Variants in USP31 observed in about 807,000 individuals in gnomAD.
USP31 encodes ubiquitin specific peptidase 31.
In USP31, 44 loss-of-function variants were observed where a neutral mutation model predicts 119.4. The observed-to-expected ratio is 0.37, with a 90% CI of 0.29 to 0.47. USP31 has a LOEUF of 0.47. Among genes scored for constraint, USP31 ranks in the 20% least tolerant of loss-of-function variants. The pLI, the probability that USP31 is intolerant of heterozygous loss-of-function variation, is 0.99. For missense variants in USP31, 1,643 were observed against 1,730.2 expected, an observed-to-expected ratio of 0.95 and a Z score of 0.89; for synonymous variants, 749 against 705.6, an observed-to-expected ratio of 1.06 and a Z score of -0.97.
intron 1 of USP31, among the ~76,000 whole-genome samples, chr16:23,133,203 C>G (rs1028249100): frequency 7.9e-5 from 12 of 152,210 alleles, no homozygotes; most frequent in African/African-American, 2.9e-4. Context: ...CTCCTCTCCC[C>G]TCTCAAAGCT....
intron 6 of USP31, among the ~76,000 whole-genome samples, chr16:23,101,041 T>C (rs968380024): frequency 3.3e-5 from 5 of 152,144 alleles, no homozygotes; most frequent in African/African-American, 1.2e-4. Flanking sequence ...TTTCAAGGTG[T>C]TTAGATTTGA....
intron 1 of USP31, among the ~76,000 whole-genome samples, chr16:23,117,643 C>A (rs1902533620): frequency 6.6e-6 from 1 of 151,918 alleles, no homozygotes. Context: ...AGTACTTACA[C>A]AATGGTAAAA....
rs1900002645 is a variant in USP31 at position 23,064,856 on chromosome 16, G to GT, written c.*3189dup. 6.6e-6 allele frequency: 1 copy of GT among 152,150 alleles called. No individual in the cohort carries two copies. The highest frequency in any genetic ancestry group is 1.5e-5 in the Non-Finnish European group (1 of 68,036). The allele number at this position is 152,150 out of a possible 1,614,324, so 9.4% of individuals were successfully genotyped here. ...ATGATGAAAACAAGATTGCAAAAGC[G>GT]TGTCAGGCAGCCTCACAGATAATTA... On this transcript the variant is annotated 3_prime_UTR_variant, in exon 16 of 16. Coordinates refer to ENST00000219689, the MANE Select transcript of USP31 (RefSeq NM_020718.4).
intron 13 of USP31, chr16:23,079,462 G>A (rs1029396400): frequency 1.3e-5 from 2 of 152,438 alleles, no homozygotes; most frequent in Admixed American, 6.5e-5. Context: ...TAAGGCAGGA[G>A]ACTTGCTTGA....
chr16:23,117,751 C>CTTTTTTTTTTTTTTTTTTTT (rs67615111), intron 1 of USP31, among the ~76,000 whole-genome samples: 1 of 141,596 alleles, frequency 7.1e-6, no homozygotes, highest in Non-Finnish European at 1.6e-5. Flanking sequence ...TTTTCCTTTT[C>CTTTTTTTTTTTTTTTTTTTT]TTTTTTTTTT....
chr16:23,137,041 C>T (rs1390871941), intron 1 of USP31, among the ~76,000 whole-genome samples: 1 of 152,102 alleles, frequency 6.6e-6, no homozygotes, highest in Non-Finnish European at 1.5e-5. Flanking sequence ...GGTAAAACCC[C>T]ATCTCTACAA....
chr16:23,112,365 G>A (rs1308065384), intron 1 of USP31, among the ~76,000 whole-genome samples: 1 of 152,062 alleles, frequency 6.6e-6, no homozygotes, highest in Admixed American at 6.5e-5. Flanking sequence ...GATCACGTGA[G>A]GTCAAGAGTT....
Position 23,067,844 on chromosome 16 carries a change from G to C in USP31, c.*202C>G, listed in dbSNP as rs1443953265. The stretch of plus-strand genomic sequence containing the variant: ...AATGTTTTGCCTATGGCTGTTATTT[G>C]GTTCAATGGCAGAATAAGGCGACGC... On this transcript the variant is annotated 3_prime_UTR_variant, in exon 16 of 16. Transcript: ENST00000219689. 2 of 592,784 alleles carry C rather than the reference G, an allele frequency of 3.4e-6. No homozygotes were observed. Among genetic ancestry groups the C allele is most frequent in the Non-Finnish European group, 5.5e-6 (2 of 366,750 alleles). The allele number at this position is 592,784 out of a possible 1,614,324, so 36.7% of individuals were successfully genotyped here.
At chr16:23,144,843 T>C (rs2141906793) in intron 1 of USP31, among the ~76,000 whole-genome samples, 1 of 152,264 alleles carries the variant, frequency 6.6e-6, no homozygotes, top group South Asian at 2.1e-4. Context: ...AAATAAAACC[T>C]TTTTTTAAAA....
intron 1 of USP31, among the ~76,000 whole-genome samples, chr16:23,116,199 G>A (rs1376313169): frequency 6.6e-6 from 1 of 151,964 alleles, no homozygotes; most frequent in Non-Finnish European, 1.5e-5. Flanking sequence ...CAGTGATCAT[G>A]GACAAAAACA....
intron 1 of USP31, among the ~76,000 whole-genome samples, chr16:23,118,109 A>G (rs1434613350): frequency 6.6e-6 from 1 of 151,988 alleles, no homozygotes; most frequent in Non-Finnish European, 1.5e-5. Flanking sequence ...TTTTTACTTA[A>G]CATGTGCTTC....
At position 23,106,432 on chromosome 16, in the gene USP31, G is replaced by C. The variant is rs760344089; in HGVS notation, c.827C>G (p.Thr276Ser). The change falls in exon 3 of 16, where the codon ACT becomes AGT. Residue 276 changes from threonine (T) to serine (S), a missense_variant. Physicochemically the swap from Thr to Ser is moderately conservative, Grantham distance 58. Transcript: ENST00000219689. Reference sequence around the variant, plus strand: ...CGCTTGAAAGAGTTCTTGTACAAAAGTGCTACAGACAGGGAAAGATGGTCC... The same window carrying C: ...CGCTTGAAAGAGTTCTTGTACAAAACTGCTACAGACAGGGAAAGATGGTCC... ...PEGPSFPVCS[T>S]FVQELFQAQY... 9 of 1,613,668 alleles carry C rather than the reference G, an allele frequency of 5.6e-6. No individual in the cohort carries two copies. Among genetic ancestry groups the C allele is most frequent in the South Asian group, 4.4e-5 (4 of 90,996 alleles).
In USP31 at chr16:23,063,697, A is replaced by G. The variant is rs2141816716; in HGVS notation, c.*4349T>C. The G allele has an allele frequency of 6.6e-6, 1 of 152,298 alleles. No homozygotes were observed. The highest frequency in any genetic ancestry group is 6.5e-5 in the Admixed American group (1 of 15,280). 9.4% of individuals were successfully genotyped at this position (152,298 alleles called of 1,614,324 possible). On this transcript the variant is annotated 3_prime_UTR_variant, in exon 16 of 16. Coordinates refer to ENST00000219689, the MANE Select transcript of USP31 (RefSeq NM_020718.4). ...AATGATGAGTAAGCCATATTTTGAAAATCACAAATTTAAAAATAGAGCTCC... is the reference window on the plus strand; with the variant it reads ...AATGATGAGTAAGCCATATTTTGAAGATCACAAATTTAAAAATAGAGCTCC...
intron 6 of USP31, among the ~76,000 whole-genome samples, chr16:23,091,800 G>C (rs531145854): frequency 2.0e-5 from 3 of 152,296 alleles, no homozygotes; most frequent in Admixed American, 6.5e-5. Context: ...CAAGCCACTA[G>C]AGGGAAGAAA....
intron 14 of USP31, among the ~76,000 whole-genome samples, chr16:23,072,860 G>A (rs1396086359): frequency 2.6e-5 from 4 of 151,976 alleles, no homozygotes; most frequent in Admixed American, 1.3e-4. Context: ...TGGAGTTCCC[G>A]CTGTGTTAAC....
Position 23,106,488 on chromosome 16 carries a change from C to CT in USP31, c.772-2dup, listed in dbSNP as rs746760503. On this transcript the variant is annotated splice_acceptor_variant, in intron 2 of 15. Transcript: ENST00000219689. LOFTEE classifies it high-confidence loss of function. ...GCATCATATCAGTCTCTGATGGTGG[C>CT]TAAAAAAAAAAGAAAGTACAACTTC... 1.3e-6 allele frequency: 2 copies of CT among 1,594,272 alleles called. No homozygotes were observed. The highest frequency in any genetic ancestry group is 1.7e-6 in the Non-Finnish European group (2 of 1,173,750).
chr16:23,072,660 T>G (rs1900395847), intron 14 of USP31: 1 of 407,402 alleles, frequency 2.5e-6, no homozygotes. Context: ...GTCACCATTT[T>G]CATAATATTA....
intron 11 of USP31, among the ~76,000 whole-genome samples, chr16:23,084,087 A>G (rs967921326): frequency 3.3e-5 from 5 of 152,244 alleles, no homozygotes; most frequent in Non-Finnish European, 7.3e-5. Flanking sequence ...AAAGAGTTTT[A>G]AAGTCCCCTT....
At chr16:23,074,018 T>C in intron 13 of USP31, 138 bp from the exon 14 acceptor site, 1 of 1,159,216 alleles carries the variant, frequency 8.6e-7, no homozygotes, top group South Asian at 1.4e-5. Context: ...AGAAAGAGAT[T>C]AAAAAAAAAT....
Sources: allele counts gnomAD v4.1 joint callset (sites outside exome capture counted in the v4.1 genomes callset), GRCh38; gene constraint gnomAD v4.1.1; transcripts MANE v1.5; gene names NCBI Gene and HGNC (gene_info 2026-07-23, HGNC 2026-07-21).